Variants in ZMYND11 observed in about 807,000 individuals in gnomAD.
The protein encoded by ZMYND11 is zinc finger MYND-type containing 11, also known as zinc finger MYND domain-containing protein 11.
Under a neutral mutation model 84.9 loss-of-function variants are expected in ZMYND11, and 9 were observed. That is an observed-to-expected ratio of 0.11 (90% CI 0.06 to 0.18). ZMYND11 has a LOEUF of 0.18. ZMYND11 is among the 10% of genes least tolerant of loss of function. The probability of loss-of-function intolerance (pLI) is 1.00; values close to 1 mark genes in which losing one functional copy is unlikely to be tolerated. For synonymous variants in ZMYND11, 250 were observed against 244.1 expected (o/e 1.02, Z -0.23); for missense variants, 409 against 761.0 (o/e 0.54, Z 5.44).
chr10:175,492 C>T (rs1469198255), intron 1 of ZMYND11, among the ~76,000 whole-genome samples: 1 of 152,124 alleles, frequency 6.6e-6, no homozygotes, highest in Non-Finnish European at 1.5e-5. Flanking sequence ...TCACTTGAAC[C>T]TGGGAGGTGG....
chr10:189,394 C>T (rs763719740), intron 2 of ZMYND11, among the ~76,000 whole-genome samples: 9 of 152,134 alleles, frequency 5.9e-5, no homozygotes, highest in Non-Finnish European at 1.2e-4. Context: ...AGAGAATAGC[C>T]ATTGCCTAAG....
intron 1 of ZMYND11, among the ~76,000 whole-genome samples, chr10:141,222 AAGG>A (rs1434227376): frequency 6.6e-6 from 1 of 152,206 alleles, no homozygotes; most frequent in Non-Finnish European, 1.5e-5. Context: ...ATTTTCATAT[AAGG>A]AGAATATATG....
chr10:157,597 A>AGG (rs1443282627), intron 1 of ZMYND11, among the ~76,000 whole-genome samples: 1 of 152,166 alleles, frequency 6.6e-6, no homozygotes, highest in Non-Finnish European at 1.5e-5. Flanking sequence ...GAGGAAAGGA[A>AGG]GGGGCAACAT....
chr10:161,693 T>C (rs570581474), intron 1 of ZMYND11, among the ~76,000 whole-genome samples: 23 of 152,340 alleles, frequency 1.5e-4, no homozygotes, highest in African/African-American at 5.3e-4. Context: ...ATGAATAACC[T>C]CATGAATCTA....
chr10:178,524 C>G (rs563868132), intron 1 of ZMYND11, among the ~76,000 whole-genome samples: 210 of 152,256 alleles, frequency 1.4e-3, no homozygotes, highest in Non-Finnish European at 2.2e-3. Flanking sequence ...TGCACTTAAA[C>G]AGATAAATTT....
intron 4 of ZMYND11, among the ~76,000 whole-genome samples, chr10:231,809 CT>C (rs1267629646): frequency 6.6e-6 from 1 of 152,226 alleles, no homozygotes; most frequent in African/African-American, 2.4e-5. Flanking sequence ...CCAACATCTG[CT>C]TTAGTTCTTA....
intron 1 of ZMYND11, among the ~76,000 whole-genome samples, chr10:149,930 G>A (rs1194350081): frequency 6.6e-6 from 1 of 151,502 alleles, no homozygotes; most frequent in Non-Finnish European, 1.5e-5. Flanking sequence ...ATTTGTGTAT[G>A]TTGAACCAAC....
At chr10:202,638 G>A (rs769889951) in intron 2 of ZMYND11, among the ~76,000 whole-genome samples, 3 of 152,100 alleles carry the variant, frequency 2.0e-5, no homozygotes, top group East Asian at 1.9e-4. Flanking sequence ...TGCTAGTTGC[G>A]ACTCATCCTT....
intron 1 of ZMYND11, among the ~76,000 whole-genome samples, chr10:145,593 T>TG (rs1353679074): frequency 2.0e-5 from 3 of 152,188 alleles, no homozygotes; most frequent in Non-Finnish European, 2.9e-5. Context: ...ACCATTCTGG[T>TG]GGGGGTAAGG....
chr10:172,690 C>G (rs1845637264), intron 1 of ZMYND11, among the ~76,000 whole-genome samples: 1 of 152,096 alleles, frequency 6.6e-6, no homozygotes, highest in African/African-American at 2.4e-5. Flanking sequence ...TGTATGGATT[C>G]ATGTAGTCTC....
At chr10:181,841 TTAAA>T (rs1379458522) in intron 2 of ZMYND11, among the ~76,000 whole-genome samples, 1 of 152,140 alleles carries the variant, frequency 6.6e-6, no homozygotes, top group African/African-American at 2.4e-5. Context: ...TATTATGCTT[TTAAA>T]TAAAGCACAT....
intron 1 of ZMYND11, among the ~76,000 whole-genome samples, chr10:166,324 G>A (rs1844011473): frequency 6.6e-6 from 1 of 152,084 alleles, no homozygotes; most frequent in South Asian, 2.1e-4. Flanking sequence ...TACAGAATGG[G>A]AGAATGTTTG....
intron 1 of ZMYND11, among the ~76,000 whole-genome samples, chr10:163,143 T>C (rs574049941): frequency 1.3e-5 from 2 of 152,346 alleles, no homozygotes; most frequent in South Asian, 4.1e-4. Flanking sequence ...GACATTTAGG[T>C]TGAAAATACT....
At chr10:196,415 A>T (rs1941753480) in intron 2 of ZMYND11, among the ~76,000 whole-genome samples, 2 of 152,196 alleles carry the variant, frequency 1.3e-5, no homozygotes, top group African/African-American at 4.8e-5. Flanking sequence ...AAAGTATATA[A>T]TTTTATTATG....
intron 2 of ZMYND11, among the ~76,000 whole-genome samples, chr10:193,987 GT>G (rs531418132): frequency 3.8e-3 from 576 of 150,640 alleles, no homozygotes; most frequent in African/African-American, 7.0e-3. Context: ...ATTTGGGGTG[GT>G]TTTTTTTTAG....
intron 1 of ZMYND11, among the ~76,000 whole-genome samples, chr10:155,455 C>T (rs1387404531): frequency 1.3e-5 from 2 of 152,066 alleles, no homozygotes; most frequent in African/African-American, 4.8e-5. Context: ...TTGAGACCAG[C>T]CTGGGCAATA....
At chr10:190,119 AAC>A (rs1188658687) in intron 2 of ZMYND11, among the ~76,000 whole-genome samples, 4 of 152,142 alleles carry the variant, frequency 2.6e-5, no homozygotes, top group East Asian at 1.9e-4. Context: ...GTAAAAGTAA[AAC>A]ACAGTCATTT....
At chr10:138,017 T>G (rs1319222030) in intron 1 of ZMYND11, among the ~76,000 whole-genome samples, 3 of 152,180 alleles carry the variant, frequency 2.0e-5, no homozygotes, top group African/African-American at 7.2e-5. Context: ...TTTAAATAAA[T>G]GTACATGTAC....
chr10:158,054 G>A (rs1842102143), intron 1 of ZMYND11, among the ~76,000 whole-genome samples: 1 of 151,964 alleles, frequency 6.6e-6, no homozygotes, highest in South Asian at 2.1e-4. Flanking sequence ...TCCTTTTTCC[G>A]GCCAAATAAC....
Sources: allele counts gnomAD v4.1 joint callset (sites outside exome capture counted in the v4.1 genomes callset), GRCh38; gene constraint gnomAD v4.1.1; transcripts MANE v1.5; gene names NCBI Gene and HGNC (gene_info 2026-07-23, HGNC 2026-07-21).